The following KDM5B variants were observed in gnomAD, a reference collection of about 807,000 sequenced individuals.
KDM5B encodes lysine demethylase 5B, also known as lysine-specific demethylase 5B.
Under a neutral mutation model 193.4 loss-of-function variants are expected in KDM5B, and 144 were observed. The ratio of observed to expected loss-of-function variants is 0.74; its 90% CI spans 0.65 to 0.86. KDM5B has a LOEUF of 0.86. KDM5B is among the 40% of genes least tolerant of loss of function. The pLI is 0.00. For synonymous variants in KDM5B, 668 were observed against 682.6 expected (o/e 0.98, Z 0.33); for missense variants, 1,833 against 1,886.9 (o/e 0.97, Z 0.53).
rs1190774668 is a variant in KDM5B at position 202,726,443 on chromosome 1, C to T, written c.*2593G>A. ...TTCTATATAAGAAATCCCCCAAAGT[C>T]TAATCTGGAAGGAAAAACAAAAAAC... On this transcript the variant is annotated 3_prime_UTR_variant, in exon 27 of 27. Transcript: ENST00000367265. 7 of 152,236 alleles carry T rather than the reference C, an allele frequency of 4.6e-5. No individual in the cohort carries two copies. The East Asian group carries it at 9.7e-4, about 21-fold the overall frequency. 9.4% of individuals were successfully genotyped at this position (152,236 alleles called of 1,614,324 possible). A position where few individuals can be genotyped will look rare whatever the true frequency, so the allele number is the denominator to read the frequency against.
At chr1:202,808,021 CGCCTCGG>C (rs926206359) in intron 1 of KDM5B, 74 bp downstream of exon 1, 744 of 1,384,816 alleles carry the variant, frequency 5.4e-4, no homozygotes, top group Non-Finnish European at 6.7e-4. Flanking sequence ...CCGCCCCCCG[CGCCTCGG>C]GCCTCCCCGG....
At chr1:202,784,241 T>G (rs529291176) in intron 1 of KDM5B, among the ~76,000 whole-genome samples, 5 of 152,332 alleles carry the variant, frequency 3.3e-5, no homozygotes, top group African/African-American at 1.2e-4. Context: ...TGAGATCTGA[T>G]AATTAGCAAA....
At chr1:202,763,875 C>T (rs543837985) in intron 6 of KDM5B, among the ~76,000 whole-genome samples, 174 bp downstream of exon 6, 1 of 152,332 alleles carries the variant, frequency 6.6e-6, no homozygotes, top group South Asian at 2.1e-4. Context: ...AACAAGGACA[C>T]TGTTGATATA....
chr1:202,808,045 G>A (rs549124234), intron 1 of KDM5B, 57 bp downstream of exon 1: 27 of 1,561,936 alleles, frequency 1.7e-5, no homozygotes, highest in South Asian at 9.3e-5. Context: ...CCGGACCCGC[G>A]CGTCCCCGCT....
intron 5 of KDM5B, among the ~76,000 whole-genome samples, chr1:202,765,451 A>G (rs7519148): frequency 0.39 from 59,639 of 152,086 alleles, 14,054 homozygotes; most frequent in Non-Finnish European, 0.51. Context: ...CACTGCTAAA[A>G]GAGTTTATTC....
At chr1:202,740,049 A>G (rs1315606762) in intron 20 of KDM5B, among the ~76,000 whole-genome samples, 50 of 150,658 alleles carry the variant, frequency 3.3e-4, no homozygotes, top group Admixed American at 2.0e-3. Context: ...CAGTAGGGGC[A>G]GCCGGGCAGA....
rs554161832 is a variant in KDM5B, at chr1:202,808,315, C to G, written c.-10G>C. 6.3e-7 allele frequency: 1 copy of G among 1,581,294 alleles called. No individual in the cohort carries two copies. The highest frequency in any genetic ancestry group is 8.6e-7 in the Non-Finnish European group (1 of 1,165,620). On this transcript the variant is annotated 5_prime_UTR_variant, in exon 1 of 27. Coordinates refer to ENST00000367265, the MANE Select transcript of KDM5B (RefSeq NM_006618.5). The stretch of plus-strand genomic sequence containing the variant: ...TGGTGGCCGCCTCCATCACCGCAGG[C>G]TGGGCAAGGGCGAGGCGAAGGTGGG...
chr1:202,777,308 C>T (rs372538921), intron 1 of KDM5B, among the ~76,000 whole-genome samples: 36 of 149,636 alleles, frequency 2.4e-4, no homozygotes, highest in African/African-American at 8.4e-4. Context: ...ACATATACAC[C>T]TCTCCCCACA....
chr1:202,745,809 C>CT lies in KDM5B; in HGVS notation c.2323+48_2323+49insA, dbSNP rs760117181. 5.0e-6 allele frequency: 8 copies of CT among 1,606,712 alleles called. 1 individual carries two copies. In the East Asian group the frequency reaches 1.8e-4, roughly 36 times the overall value. ...TGTTGACTTTAATTTGGCTACATCACAATAAGCCCCAATTTGCCAATCACC... is the reference window on the plus strand; with the variant it reads ...TGTTGACTTTAATTTGGCTACATCACTAATAAGCCCCAATTTGCCAATCACC... On this transcript the variant is annotated intron_variant, in intron 16 of 26. Coordinates refer to ENST00000367265, the MANE Select transcript of KDM5B (RefSeq NM_006618.5).
chr1:202,736,783 A>G (rs1655114847), intron 20 of KDM5B, among the ~76,000 whole-genome samples: 1 of 152,072 alleles, frequency 6.6e-6, no homozygotes, highest in Non-Finnish European at 1.5e-5. Flanking sequence ...CTGGGATTAC[A>G]GGCACCCATC....
In KDM5B at chr1:202,752,265, C is replaced by T. The variant is rs562735023; in HGVS notation, c.1701+640G>A. Among the ~76,000 whole-genome samples, 6 of 152,282 alleles carry T rather than the reference C, an allele frequency of 3.9e-5. No individual in the cohort carries two copies. The East Asian group carries it at 1.2e-3, about 29-fold the overall frequency. ...AATGGTGATCTGTAAGATTATAATA[C>T]CATATTTTCACTGTACCTTTTCTGT... On this transcript the variant is annotated intron_variant, in intron 12 of 26. Coordinates refer to ENST00000367265, the MANE Select transcript of KDM5B (RefSeq NM_006618.5).
In KDM5B at chr1:202,807,280, C is replaced by T. The variant is rs575484559; in HGVS notation, c.204+822G>A. On this transcript the variant is annotated intron_variant, in intron 1 of 26. Coordinates refer to ENST00000367265, the MANE Select transcript of KDM5B (RefSeq NM_006618.5). ...CTCCCCGGGGAGCCGAGCGGCTGAG[C>T]CAGAAGAAGCCGGGAGTGTGCGCGT... The T allele has an allele frequency of 6.1e-4, 93 of 152,484 alleles. 2 individuals carry two copies. The East Asian group carries it at 0.018, about 29-fold the overall frequency. 9.4% of individuals were successfully genotyped at this position (152,484 alleles called of 1,614,324 possible).
Position 202,745,878 on chromosome 1 carries a change from G to T in KDM5B, c.2303C>A (p.Ala768Glu). 1 of 1,613,864 alleles carries T rather than the reference G, an allele frequency of 6.2e-7. No homozygotes were observed. The highest frequency in any genetic ancestry group is 8.5e-7 in the Non-Finnish European group (1 of 1,179,872). Reference sequence around the variant, plus strand: ...CATACTTTTCTTCTTGTTGATCTTTGCCTCCAAAGCTTCATTCACATTCAA... The same window carrying T: ...CATACTTTTCTTCTTGTTGATCTTTTCCTCCAAAGCTTCATTCACATTCAA... ...WALNVNEALE[A>E]KINKKKSLVS... Residue 768 changes from alanine to glutamate, a missense_variant, in exon 16 of 27, where the codon GCA (alanine) becomes GAA (glutamate). By Grantham distance (107) the Ala-to-Glu change is moderately radical. Coordinates refer to ENST00000367265, the MANE Select transcript of KDM5B (RefSeq NM_006618.5).
intron 1 of KDM5B, among the ~76,000 whole-genome samples, chr1:202,790,173 G>A (rs1218553422): frequency 6.6e-6 from 1 of 152,074 alleles, no homozygotes; most frequent in African/African-American, 2.4e-5. Flanking sequence ...GCTGAGGCAG[G>A]AGAATCTCAA....
intron 5 of KDM5B, among the ~76,000 whole-genome samples, chr1:202,765,998 C>A (rs554125873): frequency 6.6e-6 from 1 of 152,278 alleles, no homozygotes; most frequent in South Asian, 2.1e-4. Flanking sequence ...AATCTTAAAG[C>A]AAATAATCCT....
intron 1 of KDM5B, among the ~76,000 whole-genome samples, chr1:202,795,681 C>A (rs975853731): frequency 8.0e-5 from 12 of 150,804 alleles, no homozygotes; most frequent in Non-Finnish European, 1.2e-4. Context: ...CTACTCTCTA[C>A]ATGGGTTTAC....
chr1:202,733,319 GCAACACCAAAGCTA>G, intron 23 of KDM5B, 68 bp downstream of exon 23: 1 of 1,496,028 alleles, frequency 6.7e-7, no homozygotes, highest in Non-Finnish European at 9.1e-7. Flanking sequence ...CAAGGGAATA[GCAACACCAAAGCTA>G]CAGGTTCGAG....
intron 4 of KDM5B, chr1:202,767,485 C>A: frequency 2.2e-6 from 2 of 928,418 alleles, no homozygotes; most frequent in Non-Finnish European, 3.5e-6. Context: ...GGCACCTCAC[C>A]AAGACCTTTT....
At chr1:202,758,274 T>G (rs1656099041) in intron 9 of KDM5B, 117 bp downstream of exon 9, 2 of 698,584 alleles carry the variant, frequency 2.9e-6, no homozygotes, top group African/African-American at 3.6e-5. Flanking sequence ...AGTTTCATTC[T>G]GCTTTCTGTG....
Sources: gnomAD v4.1 joint callset for allele counts (sites outside exome capture counted in the v4.1 genomes callset) on GRCh38, gnomAD v4.1.1 for gene constraint, MANE v1.5 for transcripts, NCBI Gene and HGNC (gene_info 2026-07-23, HGNC 2026-07-21) for gene names.